The following PTPRN2 variants were observed in gnomAD, a reference collection of about 807,000 sequenced individuals.
The protein encoded by PTPRN2 is protein tyrosine phosphatase receptor type N2.
A neutral mutation model predicts 118.8 loss-of-function variants in PTPRN2; 74 were observed. The observed-to-expected ratio is 0.62, with a 90% CI of 0.52 to 0.76. The LOEUF (loss-of-function observed/expected upper bound fraction) is 0.76, where lower values mean the gene tolerates loss of function less well. Among genes scored for constraint, PTPRN2 ranks in the 30% least tolerant of loss-of-function variants. The pLI is 0.00. For synonymous variants in PTPRN2, 641 were observed against 608.0 expected (o/e 1.05, Z -0.80); for missense variants, 1,481 against 1,394.4 (o/e 1.06, Z -0.99).
chr7:158,528,659 T>C (rs1054681246), intron 1 of PTPRN2, among the ~76,000 whole-genome samples: 1 of 150,478 alleles, frequency 6.6e-6, no homozygotes, highest in Non-Finnish European at 1.5e-5. Flanking sequence ...CCAGGTGTGG[T>C]GGCGGGTGCC....
In PTPRN2 at chr7:157,943,744, C is replaced by T. The variant is rs145859774; in HGVS notation, c.1724-45007G>A. On this transcript the variant is annotated intron_variant, in intron 11 of 22. Transcript: ENST00000389418. ...TGACGCCAAGGCCCCTCTAGGACAC[C>T]GAAGCCCCCGCCTCCTCTGCTGAGG... is the stretch of plus-strand genomic sequence containing the variant. Among the ~76,000 whole-genome samples, 37 of 152,142 alleles carry T rather than the reference C, an allele frequency of 2.4e-4. No homozygotes were observed. In the East Asian group the frequency reaches 4.6e-3, roughly 19 times the overall value.
At position 157,603,809 on chromosome 7, in the gene PTPRN2, G is replaced by A. The variant is rs757463343; in HGVS notation, c.2418+193C>T. On this transcript the variant is annotated intron_variant, in intron 16 of 22. Coordinates refer to ENST00000389418, the MANE Select transcript of PTPRN2 (RefSeq NM_002847.5). This position sits in a 1 kb window ranked among gnomAD's most constrained non-coding sequence, Gnocchi z 5.4. ...GCCCAGCGTGAGCCGGGACCCACAC[G>A]GCTCATAAACAGCCCCGCTGGTGAA... 1.8e-4 allele frequency among the ~76,000 whole-genome samples: 27 copies of A among 152,176 alleles called. No homozygotes were observed. The highest frequency in any genetic ancestry group is 3.1e-4 in the Non-Finnish European group (21 of 68,042).
At chr7:157,968,063 C>A (rs1010205753) in intron 11 of PTPRN2, among the ~76,000 whole-genome samples, 1 of 152,166 alleles carries the variant, frequency 6.6e-6, no homozygotes, top group Non-Finnish European at 1.5e-5. Flanking sequence ...TACCCAGTAC[C>A]ACCTAGCACT....
rs79164495 is a variant in PTPRN2 at position 157,869,360 on chromosome 7, A to G, written c.1788+29313T>C. ...ACAGAGTTACACTTAATGCCAAAGT[A>G]AAGAAAAAGTTTACATTTTTCCTGA... On this transcript the variant is annotated intron_variant, in intron 12 of 22. Coordinates refer to ENST00000389418, the MANE Select transcript of PTPRN2 (RefSeq NM_002847.5). The surrounding 1 kb of genome is among the most constrained non-coding windows in gnomAD (Gnocchi z 4.2). 6.6e-6 allele frequency among the ~76,000 whole-genome samples: 1 copy of G among 152,372 alleles called. No individual in the cohort carries two copies. Among genetic ancestry groups the G allele is most frequent in the African/African-American group, 2.4e-5 (1 of 41,582 alleles).
At chr7:158,550,902 C>T (rs1239644763) in intron 1 of PTPRN2, among the ~76,000 whole-genome samples, 2 of 152,214 alleles carry the variant, frequency 1.3e-5, no homozygotes, top group Non-Finnish European at 2.9e-5. Flanking sequence ...TCACGCTTTC[C>T]TTCACCCCTC....
intron 11 of PTPRN2, among the ~76,000 whole-genome samples, chr7:157,951,953 C>T (rs369379596): frequency 7.2e-5 from 11 of 152,200 alleles, no homozygotes; most frequent in African/African-American, 1.9e-4. Context: ...CCACAACTGC[C>T]GGCTGATCCT....
At chr7:158,194,798 T>C (rs577841229) in intron 4 of PTPRN2, among the ~76,000 whole-genome samples, 2 of 152,350 alleles carry the variant, frequency 1.3e-5, no homozygotes, top group Admixed American at 1.3e-4. Context: ...ACAGATAGTG[T>C]ATAACTGTCA....
chr7:158,130,926 C>CACTCAT lies in PTPRN2; in HGVS notation c.1556+2750_1556+2751insATGAGT, dbSNP rs1370714635. Among the ~76,000 whole-genome samples the CACTCAT allele has an allele frequency of 5.3e-5, 8 of 151,562 alleles. No individual in the cohort carries two copies. In the East Asian group the frequency reaches 5.8e-4, roughly 11 times the overall value. ...ATCTACCGACACACACACTCATACA[C>CACTCAT]ACACATGCATATGCACAAACTGACA... On this transcript the variant is annotated intron_variant, in intron 9 of 22. Coordinates refer to ENST00000389418, the MANE Select transcript of PTPRN2 (RefSeq NM_002847.5).
chr7:158,342,188 A>ATCTG (rs1806999922), intron 2 of PTPRN2, among the ~76,000 whole-genome samples: 4 of 89,998 alleles, frequency 4.4e-5, no homozygotes, highest in African/African-American at 1.4e-4. Flanking sequence ...GCCGACGCCC[A>ATCTG]CAGACGTCAC....
At chr7:158,350,945 A>C (rs182243002) in intron 2 of PTPRN2, among the ~76,000 whole-genome samples, 28 of 152,338 alleles carry the variant, frequency 1.8e-4, no homozygotes, top group African/African-American at 6.7e-4. Context: ...CAGCGTTTCC[A>C]AATCCCACCC....
At chr7:157,925,604 C>T (rs78611415) in intron 11 of PTPRN2, among the ~76,000 whole-genome samples, 9,033 of 152,248 alleles carry the variant, frequency 0.059, 371 homozygotes, top group Non-Finnish European at 0.093. Context: ...GGTCAGGCCA[C>T]GTGGAAACCG....
chr7:157,559,246 C>G (rs1258092438), intron 21 of PTPRN2, among the ~76,000 whole-genome samples: 1 of 152,198 alleles, frequency 6.6e-6, no homozygotes, highest in African/African-American at 2.4e-5. Flanking sequence ...GCGCTAGGAA[C>G]GGACGCTTGG....
At chr7:157,640,171 T>A (rs1804589031) in intron 14 of PTPRN2, among the ~76,000 whole-genome samples, 1 of 152,208 alleles carries the variant, frequency 6.6e-6, no homozygotes, top group Non-Finnish European at 1.5e-5. Flanking sequence ...AATGCATTGA[T>A]CATGATTGAA....
intron 17 of PTPRN2, among the ~76,000 whole-genome samples, chr7:157,589,780 A>G (rs1399049199): frequency 1.3e-5 from 2 of 152,270 alleles, no homozygotes; most frequent in African/African-American, 4.8e-5. Context: ...TAGGATTTAA[A>G]AAGAAAATTA....
chr7:158,541,931 A>C (rs570032292), intron 1 of PTPRN2, among the ~76,000 whole-genome samples: 10 of 152,266 alleles, frequency 6.6e-5, no homozygotes, highest in Non-Finnish European at 1.2e-4. Flanking sequence ...GGCCTAGCTC[A>C]CTTCAGAAAA....
In PTPRN2 at chr7:157,560,498, G is replaced by A. The variant is rs535375408; in HGVS notation, c.2902+8404C>T. Among the ~76,000 whole-genome samples the A allele has an allele frequency of 2.3e-3, 346 of 152,264 alleles. 2 individuals carry two copies. Among genetic ancestry groups the A allele is most frequent in the Middle Eastern group, 3.4e-3 (1 of 294 alleles). On this transcript the variant is annotated intron_variant, in intron 21 of 22. Coordinates refer to ENST00000389418, the MANE Select transcript of PTPRN2 (RefSeq NM_002847.5). The surrounding 1 kb of genome is among the most constrained non-coding windows in gnomAD (Gnocchi z 6.7). Reference sequence around the variant, plus strand: ...ACCACTGCTCCAACCAGCGTTCGTCGTCAGCCCCTTACACGGGACAGGGCA... The same window carrying A: ...ACCACTGCTCCAACCAGCGTTCGTCATCAGCCCCTTACACGGGACAGGGCA...
chr7:157,669,852 A>C (rs1079358), intron 13 of PTPRN2, among the ~76,000 whole-genome samples: 134,212 of 152,096 alleles, frequency 0.88, 59,357 homozygotes, highest in East Asian at 0.98. Flanking sequence ...CACAACCTCG[A>C]GGCCGGGCTC....
intron 2 of PTPRN2, among the ~76,000 whole-genome samples, chr7:158,474,129 G>A (rs989894837): frequency 5.3e-5 from 8 of 152,148 alleles, no homozygotes; most frequent in South Asian, 2.1e-4. Context: ...GCCCCCGTGC[G>A]GCCCCACTGT....
intron 12 of PTPRN2, among the ~76,000 whole-genome samples, chr7:157,814,802 A>T (rs1806288249): frequency 6.6e-6 from 1 of 152,174 alleles, no homozygotes; most frequent in Non-Finnish European, 1.5e-5. Context: ...TTCATCTTTG[A>T]ATTGGCTTCT....
Sources: allele counts gnomAD v4.1 joint callset (sites outside exome capture counted in the v4.1 genomes callset), GRCh38; gene constraint gnomAD v4.1.1; non-coding constraint Gnocchi (gnomAD v3.1); transcripts MANE v1.5; gene names NCBI Gene and HGNC (gene_info 2026-07-23, HGNC 2026-07-21).